NARS2: variants seen among roughly 807,000 people sequenced by gnomAD.
NARS2 encodes the protein asparaginyl-tRNA synthetase.
In NARS2, 60 loss-of-function variants were observed where a neutral mutation model predicts 62.9. That is an observed-to-expected ratio of 0.95 (90% CI 0.77 to 1.18). NARS2 has a LOEUF of 1.18. Among genes scored for constraint, NARS2 ranks in the 50% most tolerant of loss-of-function variants. The pLI is 0.00. For missense variants in NARS2, 619 were observed against 576.4 expected (o/e 1.07, Z -0.76); for synonymous variants, 196 against 200.0 (o/e 0.98, Z 0.17).
intron 4 of NARS2, among the ~76,000 whole-genome samples, chr11:78,565,858 T>C (rs150959613): frequency 2.7e-3 from 412 of 152,320 alleles, no homozygotes; most frequent in Non-Finnish European, 4.8e-3. Context: ...GCTACAGACC[T>C]GCTTAACAAA....
chr11:78,561,630 GATT>G (rs2135520973), intron 4 of NARS2, among the ~76,000 whole-genome samples: 1 of 152,260 alleles, frequency 6.6e-6, no homozygotes, highest in East Asian at 1.9e-4. Context: ...AAGACTAATA[GATT>G]ATCTTTTTCT....
chr11:78,505,299 CACACACACACACACACACACACACAT>C (rs1164004032), intron 6 of NARS2, among the ~76,000 whole-genome samples: 2 of 147,282 alleles, frequency 1.4e-5, no homozygotes, highest in Admixed American at 1.3e-4. Flanking sequence ...CACACACACA[CACACACACACACACACACACACACAT>C]ACGTATGTAT....
At chr11:78,498,949 ATGACACGATCTCG>A (rs577761008) in intron 6 of NARS2, among the ~76,000 whole-genome samples, 1 of 131,622 alleles carries the variant, frequency 7.6e-6, no homozygotes, top group Non-Finnish European at 1.6e-5. Context: ...CCCAGACTGG[ATGACACGATCTCG>A]GCTCACTGCA....
chr11:78,478,745 G>T, intron 7 of NARS2, 62 bp from the exon 8 acceptor site: 1 of 1,020,850 alleles, frequency 9.8e-7, no homozygotes, highest in Non-Finnish European at 1.5e-6. Context: ...AACCTGTTCA[G>T]GACTCAATAA....
intron 7 of NARS2, among the ~76,000 whole-genome samples, chr11:78,492,277 G>A (rs1430338549): frequency 1.3e-5 from 2 of 152,094 alleles, no homozygotes; most frequent in African/African-American, 4.8e-5. Context: ...GCATGTGAGT[G>A]GTTAAGCATC....
Position 78,532,095 on chromosome 11 carries a change from T to C in NARS2, c.595-3159A>G, listed in dbSNP as rs566090926. Among the ~76,000 whole-genome samples, 39 of 152,286 alleles carry C rather than the reference T, an allele frequency of 2.6e-4. 2 individuals carry two copies. The South Asian group carries it at 8.1e-3, about 32-fold the overall frequency. ...AGCTTCAAAAACTACCAACCTAGGA[T>C]TGCAAATTTAAGATTTAGGATTGTA... is the stretch of plus-strand genomic sequence containing the variant. On this transcript the variant is annotated intron_variant, in intron 5 of 13. Transcript: ENST00000281038.
At chr11:78,538,717 C>A (rs534868666) in intron 5 of NARS2, among the ~76,000 whole-genome samples, 1 of 151,966 alleles carries the variant, frequency 6.6e-6, no homozygotes, top group South Asian at 2.1e-4. Context: ...GAGGTTAGGC[C>A]GGGCGCGGTG....
intron 11 of NARS2, 41 bp from the exon 12 acceptor site, chr11:78,443,799 T>C: frequency 1.4e-6 from 2 of 1,430,020 alleles, no homozygotes; most frequent in Non-Finnish European, 9.8e-7. Flanking sequence ...TATTTTCAGG[T>C]GATTCCAACA....
intron 5 of NARS2, among the ~76,000 whole-genome samples, chr11:78,530,813 A>AT (rs1861450425): frequency 6.6e-6 from 1 of 152,158 alleles, no homozygotes; most frequent in African/African-American, 2.4e-5. Context: ...GTACAGAATG[A>AT]TTTCTGATTT....
chr11:78,478,132 T>G (rs1859184080), intron 9 of NARS2, among the ~76,000 whole-genome samples: 4 of 152,208 alleles, frequency 2.6e-5, no homozygotes, highest in Admixed American at 2.6e-4. Flanking sequence ...TGACTAAAGT[T>G]AGTATAAGTT....
intron 12 of NARS2, 25 bp downstream of exon 12, chr11:78,443,636 T>C: frequency 6.5e-7 from 1 of 1,546,956 alleles, no homozygotes; most frequent in Non-Finnish European, 8.9e-7. Context: ...TTCTCAATTG[T>C]GTTTCTTTTA....
At chr11:78,529,500 A>G (rs1861406544) in intron 5 of NARS2, among the ~76,000 whole-genome samples, 1 of 152,224 alleles carries the variant, frequency 6.6e-6, no homozygotes, top group Non-Finnish European at 1.5e-5. Flanking sequence ...ACTGAGCAAC[A>G]AAACCTTTAT....
chr11:78,468,944 G>A (rs1241967131), intron 10 of NARS2, among the ~76,000 whole-genome samples: 2 of 151,948 alleles, frequency 1.3e-5, no homozygotes, highest in Non-Finnish European at 2.9e-5. Flanking sequence ...TACAGTAATA[G>A]TCTATGATTA....
Position 78,454,201 on chromosome 11 carries a change from TTC to T in NARS2, c.1165-10445_1165-10444del, listed in dbSNP as rs1451719099. ...GACCTATGGGAATGACTTGTGACTC[TTC>T]TCTCTTCCTTATCTTTTCTTTCTAG... On this transcript the variant is annotated intron_variant, in intron 11 of 13. Transcript: ENST00000281038. Among the ~76,000 whole-genome samples, 6 of 152,352 alleles carry T rather than the reference TTC, an allele frequency of 3.9e-5. No individual in the cohort carries two copies. In the East Asian group the frequency reaches 9.7e-4, roughly 25 times the overall value.
chr11:78,507,022 C>G (rs1420271328), intron 6 of NARS2, among the ~76,000 whole-genome samples: 1 of 152,142 alleles, frequency 6.6e-6, no homozygotes, highest in African/African-American at 2.4e-5. Flanking sequence ...CCCGTGCACA[C>G]AGCTTGAGGG....
chr11:78,534,675 T>C (rs1861605914), intron 5 of NARS2, among the ~76,000 whole-genome samples: 1 of 152,208 alleles, frequency 6.6e-6, no homozygotes, highest in African/African-American at 2.4e-5. Flanking sequence ...TTAAGAAATA[T>C]TGGGGCTCCT....
chr11:78,522,140 G>A (rs61881850), intron 6 of NARS2, among the ~76,000 whole-genome samples: 1 of 129,638 alleles, frequency 7.7e-6, no homozygotes, highest in Non-Finnish European at 1.5e-5. Flanking sequence ...TTTTTTTTTG[G>A]TAGAGATAAG....
At position 78,521,818 on chromosome 11, in the gene NARS2, C is replaced by T. The variant is rs1189800868; in HGVS notation, c.689+7024G>A. 8.0e-5 allele frequency among the ~76,000 whole-genome samples: 12 copies of T among 149,574 alleles called. 1 individual carries two copies. In the South Asian group the frequency reaches 2.3e-3, roughly 29 times the overall value. On this transcript the variant is annotated intron_variant, in intron 6 of 13. Coordinates refer to ENST00000281038, the MANE Select transcript of NARS2 (RefSeq NM_024678.6). ...AAAAAAAAAAAAAAAAAGAAAAGCC[C>T]GGATACATGGTTGTAGCCTTTTTGT...
chr11:78,453,932 A>G (rs778740679), intron 11 of NARS2, among the ~76,000 whole-genome samples: 4 of 152,228 alleles, frequency 2.6e-5, no homozygotes, highest in Admixed American at 6.5e-5. Flanking sequence ...CATTTTGCAA[A>G]GATACTACTA....
Sources: allele counts gnomAD v4.1 joint callset (sites outside exome capture counted in the v4.1 genomes callset), GRCh38; gene constraint gnomAD v4.1.1; transcripts MANE v1.5; gene names NCBI Gene and HGNC (gene_info 2026-07-23, HGNC 2026-07-21).